The following RBL1 variants were observed in gnomAD, a reference collection of about 807,000 sequenced individuals.
RBL1 encodes retinoblastoma-like protein 1.
A neutral mutation model predicts 123.0 loss-of-function variants in RBL1; 82 were observed. The observed-to-expected ratio is 0.67, with a 90% CI of 0.56 to 0.80. RBL1 has a LOEUF of 0.80. Among genes scored for constraint, RBL1 ranks in the 30% least tolerant of loss-of-function variants. The pLI, the probability that RBL1 is intolerant of heterozygous loss-of-function variation, is 0.00. For synonymous variants in RBL1, 405 were observed against 441.3 expected (o/e 0.92, Z 1.03); for missense variants, 1,171 against 1,299.6 (o/e 0.90, Z 1.52).
intron 19 of RBL1, among the ~76,000 whole-genome samples, chr20:37,008,246 C>T (rs956644514): frequency 4.6e-5 from 7 of 152,184 alleles, no homozygotes; most frequent in Admixed American, 2.6e-4. Flanking sequence ...TGCAGATATT[C>T]TTCTTGTGTC....
At chr20:37,052,659 G>A (rs1307818871) in intron 11 of RBL1, among the ~76,000 whole-genome samples, 3 of 152,096 alleles carry the variant, frequency 2.0e-5, no homozygotes, top group African/African-American at 4.8e-5. Context: ...ACGGGCATGC[G>A]CCACCACGCC....
Position 37,007,542 on chromosome 20 carries a change from T to C in RBL1, c.2740A>G (p.Lys914Glu). The part of the protein sequence containing the change: ...MIDCDLEDAT[K>E]TPDCSSGPVK... The stretch of plus-strand genomic sequence containing the variant: ...GGTCCACTGGAACAGTCAGGTGTTT[T>C]TGTAGCATCTTCTAAGTCTGTTAAA... Residue 914 changes from lysine (K) to glutamate (E), a missense_variant, in exon 20 of 22, where the codon AAA becomes GAA. Coordinates refer to ENST00000373664, the MANE Select transcript of RBL1 (RefSeq NM_002895.5). 1.9e-6 allele frequency: 3 copies of C among 1,613,470 alleles called. No homozygotes were observed. The highest frequency in any genetic ancestry group is 2.5e-6 in the Non-Finnish European group (3 of 1,179,858).
At chr20:37,000,140 C>CA in intron 21 of RBL1, among the ~76,000 whole-genome samples, 1 of 149,820 alleles carries the variant, frequency 6.7e-6, no homozygotes, top group East Asian at 2.1e-4. Context: ...TCTGCCCGGC[C>CA]GCCCCGTCTG....
intron 16 of RBL1, among the ~76,000 whole-genome samples, chr20:37,027,494 A>C (rs1201565941): frequency 1.3e-5 from 2 of 152,184 alleles, no homozygotes; most frequent in African/African-American, 4.8e-5. Context: ...ACTGTACTCC[A>C]ACCTGGGCAA....
rs575555879 is a variant in RBL1 at position 37,034,190 on chromosome 20, G to A, written c.2170+1052C>T. 4.6e-5 allele frequency among the ~76,000 whole-genome samples: 7 copies of A among 152,046 alleles called. No homozygotes were observed. The South Asian group carries it at 1.5e-3, about 32-fold the overall frequency. On this transcript the variant is annotated intron_variant, in intron 15 of 21. Transcript: ENST00000373664. ...GGGCTAAAGTGATCCTCTTGCCTTG[G>A]TCTCCCAAAGTGCTGGGATTACAGG...
rs185659271 is a variant in RBL1, at chr20:37,037,924, A to G, written c.1903+2229T>C. The stretch of plus-strand genomic sequence containing the variant: ...CTGGTCTTGAACTCCTGACCTCGTG[A>G]TCTGCCCGCCTCGGCCTCCCAAAGT... On this transcript the variant is annotated intron_variant, in intron 14 of 21. Coordinates refer to ENST00000373664, the MANE Select transcript of RBL1 (RefSeq NM_002895.5). Among the ~76,000 whole-genome samples, 245 of 150,158 alleles carry G rather than the reference A, an allele frequency of 1.6e-3. 3 individuals carry two copies. Among genetic ancestry groups the G allele is most frequent in the Admixed American group, 0.014 (213 of 15,046 alleles).
chr20:37,089,820 G>A (rs1028826200), intron 1 of RBL1, among the ~76,000 whole-genome samples: 5 of 152,286 alleles, frequency 3.3e-5, no homozygotes, highest in Admixed American at 6.5e-5. Flanking sequence ...GGAGGCTGGA[G>A]CGGGTGAATC....
At chr20:37,010,164 T>C (rs2064129449) in intron 19 of RBL1, among the ~76,000 whole-genome samples, 1 of 151,862 alleles carries the variant, frequency 6.6e-6, no homozygotes, top group South Asian at 2.1e-4. Context: ...TCAAGACCAG[T>C]CTGGGCAACA....
chr20:37,024,160 C>A (rs1344815437), intron 16 of RBL1, among the ~76,000 whole-genome samples: 1 of 151,986 alleles, frequency 6.6e-6, no homozygotes, highest in African/African-American at 2.4e-5. Context: ...CAGAAAAATA[C>A]CTACAAACCG....
In RBL1 at chr20:37,062,105, G is replaced by A. The variant is rs1390645905; in HGVS notation, c.1062C>T (p.Asn354=). 3 of 1,613,988 alleles carry A rather than the reference G, an allele frequency of 1.9e-6. No individual in the cohort carries two copies. The highest frequency in any genetic ancestry group is 1.7e-6 in the Non-Finnish European group (2 of 1,179,962). ...KLTAQANVEY[N]LQQHFEKKRS... is the part of the protein sequence containing the mutation. ...TTACTTTTTCAAAGTGCTGTTGAAG[G>A]TTATACTCCACATTAGCCTGTGCTG... The change falls in exon 8 of 22, where the codon AAC becomes AAT. Residue 354 remains asparagine (N), a synonymous_variant. Coordinates refer to ENST00000373664, the MANE Select transcript of RBL1 (RefSeq NM_002895.5).
chr20:37,095,672 A>G (rs2065724012), intron 1 of RBL1, 101 bp downstream of exon 1: 1 of 1,113,756 alleles, frequency 9.0e-7, no homozygotes, highest in Non-Finnish European at 1.2e-6. Flanking sequence ...CGACCCTCCT[A>G]GGTGGGGAAA....
intron 2 of RBL1, among the ~76,000 whole-genome samples, chr20:37,071,501 TAA>T (rs898586974): frequency 1.8e-4 from 28 of 151,744 alleles, no homozygotes; most frequent in Non-Finnish European, 3.7e-4. Flanking sequence ...ACAAAAAATT[TAA>T]AAGTTAGCAA....
rs191007858 is a variant in RBL1, at chr20:36,998,386, G to A, written c.*373C>T. ...ATTACAGGCATGCGCCACCACACCCGGCTAATTTTGTATTTTTAGTAGAGA... is the reference window on the plus strand; with the variant it reads ...ATTACAGGCATGCGCCACCACACCCAGCTAATTTTGTATTTTTAGTAGAGA... On this transcript the variant is annotated 3_prime_UTR_variant, in exon 22 of 22. Transcript: ENST00000373664. 84 of 157,516 alleles carry A rather than the reference G, an allele frequency of 5.3e-4. 1 individual carries two copies. Among genetic ancestry groups the A allele is most frequent in the African/African-American group, 5.8e-4 (24 of 41,562 alleles). The allele number at this position is 157,516 out of a possible 1,614,324, so 9.8% of individuals were successfully genotyped here. A position where few individuals can be genotyped will look rare whatever the true frequency, so the allele number is the denominator to read the frequency against.
chr20:36,998,672 CTA>C lies in RBL1; in HGVS notation c.*85_*86del, dbSNP rs2063915121. Reference sequence around the variant, plus strand: ...CTTATAACCCAGTGATATTTATCATCTATAGGGCTAAAAGGTTTGAAGGACAG... The same window carrying C: ...CTTATAACCCAGTGATATTTATCATCTAGGGCTAAAAGGTTTGAAGGACAG... On this transcript the variant is annotated 3_prime_UTR_variant, in exon 22 of 22. Transcript: ENST00000373664. 8.1e-7 allele frequency: 1 copy of C among 1,241,558 alleles called. No individual in the cohort carries two copies. 76.9% of individuals were successfully genotyped at this position (1,241,558 alleles called of 1,614,324 possible).
intron 13 of RBL1, among the ~76,000 whole-genome samples, chr20:37,042,900 C>A (rs6130417): frequency 5.9e-5 from 7 of 118,144 alleles, no homozygotes; most frequent in African/African-American, 2.3e-4. Flanking sequence ...TCTTGTCCCC[C>A]CCCCTCCAAA....
At chr20:37,071,396 C>T (rs1389238692) in intron 2 of RBL1, among the ~76,000 whole-genome samples, 2 of 152,148 alleles carry the variant, frequency 1.3e-5, no homozygotes, top group East Asian at 3.9e-4. Context: ...TAGCTCATGC[C>T]TGTAATCCCA....
At chr20:37,045,019 A>T (rs1393517096) in intron 12 of RBL1, among the ~76,000 whole-genome samples, 1 of 152,024 alleles carries the variant, frequency 6.6e-6, no homozygotes, top group East Asian at 1.9e-4. Context: ...ATATACACAA[A>T]ATATTAATAA....
chr20:37,072,359 T>C (rs999168684), intron 2 of RBL1, among the ~76,000 whole-genome samples: 2 of 152,086 alleles, frequency 1.3e-5, no homozygotes, highest in Non-Finnish European at 2.9e-5. Flanking sequence ...TCCCAGCTAC[T>C]CCGGAGGCTG....
rs946313682 is a variant in RBL1 at position 37,045,057 on chromosome 20, G to T, written c.1606-807C>A. Among the ~76,000 whole-genome samples the T allele has an allele frequency of 2.6e-5, 4 of 151,178 alleles. No individual in the cohort carries two copies. The East Asian group carries it at 5.8e-4, about 22-fold the overall frequency. On this transcript the variant is annotated intron_variant, in intron 12 of 21. Coordinates refer to ENST00000373664, the MANE Select transcript of RBL1 (RefSeq NM_002895.5). ...TGATTGTTAATAGATTATGATGTAT[G>T]ACTTTAATATTCACATTTATTTACT...
Sources: gnomAD v4.1 joint callset for allele counts (sites outside exome capture counted in the v4.1 genomes callset) on GRCh38, gnomAD v4.1.1 for gene constraint, MANE v1.5 for transcripts, NCBI Gene and HGNC (gene_info 2026-07-23, HGNC 2026-07-21) for gene names.